The following SPACA7 variants were observed in gnomAD, a reference collection of about 807,000 sequenced individuals.
SPACA7 encodes the protein sperm acrosome associated 7, also known as sperm acrosome-associated protein 7.
SPACA7 carries 19 observed loss-of-function variants against 26.3 expected under a neutral mutation model. That is an observed-to-expected ratio of 0.72 (90% CI 0.50 to 1.06). The LOEUF is 1.06. Among genes scored for constraint, SPACA7 ranks in the 50% least tolerant of loss-of-function variants. The pLI is 0.00. For missense variants in SPACA7, 211 were observed against 229.9 expected (o/e 0.92, Z 0.53); for synonymous variants, 84 against 84.5 (o/e 0.99, Z 0.04).
chr13:112,392,919 AGAGGGGGCTG>A, intron 1 of SPACA7, 92 bp from the exon 2 acceptor site: 1 of 916,708 alleles, frequency 1.1e-6, no homozygotes, highest in Non-Finnish European at 1.7e-6. Context: ...TCCTTCCTCT[AGAGGGGGCTG>A]GTGGGCACCC....
intron 5 of SPACA7, among the ~76,000 whole-genome samples, chr13:112,418,100 T>C (rs1190862579): frequency 6.6e-6 from 1 of 152,192 alleles, no homozygotes. Context: ...ATTTACTTAT[T>C]TGTGTTTGCC....
intron 5 of SPACA7, among the ~76,000 whole-genome samples, chr13:112,414,477 C>A (rs1242533694): frequency 1.6e-5 from 2 of 122,798 alleles, no homozygotes; most frequent in African/African-American, 6.2e-5. Context: ...ATGGCGTGAT[C>A]TCAGCTCACT....
intron 2 of SPACA7, among the ~76,000 whole-genome samples, chr13:112,394,991 T>C (rs995913766): frequency 1.3e-5 from 2 of 152,340 alleles, no homozygotes; most frequent in Middle Eastern, 3.4e-3. Context: ...TTCAAATCCC[T>C]GTGGAGGTCA....
At chr13:112,390,318 G>A (rs964459621) in intron 1 of SPACA7, among the ~76,000 whole-genome samples, 1 of 152,168 alleles carries the variant, frequency 6.6e-6, no homozygotes, top group Non-Finnish European at 1.5e-5. Context: ...CGGCAAAAAG[G>A]AGAGGAGCAG....
intron 5 of SPACA7, among the ~76,000 whole-genome samples, chr13:112,424,977 G>A (rs1876388721): frequency 6.6e-6 from 1 of 152,232 alleles, no homozygotes; most frequent in Non-Finnish European, 1.5e-5. Context: ...TGAATGCATA[G>A]ACACTGAGGA....
At chr13:112,409,316 A>G (rs1217905792) in intron 5 of SPACA7, among the ~76,000 whole-genome samples, 1 of 152,230 alleles carries the variant, frequency 6.6e-6, no homozygotes, top group Non-Finnish European at 1.5e-5. Flanking sequence ...CAAGGACTTC[A>G]GGTCTAAAAC....
intron 1 of SPACA7, among the ~76,000 whole-genome samples, chr13:112,386,562 C>T (rs544602074): frequency 9.9e-5 from 15 of 152,082 alleles, no homozygotes; most frequent in Non-Finnish European, 1.8e-4. Flanking sequence ...GAGTCCCCGG[C>T]TACCAGAAGT....
chr13:112,409,358 G>T (rs1886197583), intron 5 of SPACA7, among the ~76,000 whole-genome samples: 1 of 152,178 alleles, frequency 6.6e-6, no homozygotes, highest in African/African-American at 2.4e-5. Flanking sequence ...AGCCAAAATT[G>T]ACAAATGGGA....
intron 1 of SPACA7, among the ~76,000 whole-genome samples, chr13:112,381,496 A>C (rs1483227343): frequency 4.8e-4 from 15 of 31,130 alleles, no homozygotes; most frequent in East Asian, 2.6e-3. Context: ...CTGTCCCCCA[A>C]AAAAAAAAAA....
intron 2 of SPACA7, among the ~76,000 whole-genome samples, chr13:112,393,847 G>A (rs142948903): frequency 0.016 from 2,408 of 152,208 alleles, 28 homozygotes; most frequent in Middle Eastern, 0.027. Flanking sequence ...TTAGCTGGGC[G>A]TGGTGATGTG....
rs370648687 is a variant in SPACA7, at chr13:112,401,101, C to A, written c.382C>A (p.Pro128Thr). 596 of 1,613,992 alleles carry A rather than the reference C, an allele frequency of 3.7e-4. No homozygotes were observed. The highest frequency in any genetic ancestry group is 4.3e-4 in the Non-Finnish European group (510 of 1,179,996). Residue 128 changes from proline to threonine, a missense_variant, in exon 5 of 7, where the codon CCT becomes ACT. Pro to Thr is a conservative substitution (Grantham distance 38). Transcript: ENST00000283550. ...TGCTAATGCAAATCTCCATGGCGAT[C>A]CTTCTGAGAATTATCGTGGGCCACA... ...ANANANLHGD[P>T]SENYRGPQVS... is the part of the protein sequence containing the mutation.
intron 5 of SPACA7, among the ~76,000 whole-genome samples, chr13:112,432,018 G>C (rs74624395): frequency 6.6e-6 from 1 of 152,338 alleles, no homozygotes; most frequent in African/African-American, 2.4e-5. Context: ...GGGAAATTCA[G>C]TGTCTGTAAA....
At chr13:112,385,105 C>T (rs1884440508) in intron 1 of SPACA7, among the ~76,000 whole-genome samples, 1 of 152,156 alleles carries the variant, frequency 6.6e-6, no homozygotes, top group African/African-American at 2.4e-5. Context: ...AATATTTTAG[C>T]CTACAGAAAA....
At chr13:112,432,545 T>G in intron 6 of SPACA7, 24 bp downstream of exon 6, 1 of 1,517,508 alleles carries the variant, frequency 6.6e-7, no homozygotes, top group Non-Finnish European at 9.2e-7. Flanking sequence ...AATAGATAAG[T>G]GTCTTCTCAT....
chr13:112,378,749 C>T lies in SPACA7; in HGVS notation c.94+2270C>T, dbSNP rs748276434. ...GGTAGCAGGTCAGTTTCTCCAGCTC[C>T]ATCAAATCAACCTCAGTTTTTAAAA... On this transcript the variant is annotated intron_variant, in intron 1 of 6. Transcript: ENST00000283550. 10 of 470,982 alleles carry T rather than the reference C, an allele frequency of 2.1e-5. No individual in the cohort carries two copies. The East Asian group carries it at 6.9e-4, about 33-fold the overall frequency. The allele number at this position is 470,982 out of a possible 1,614,324, so 29.2% of individuals were successfully genotyped here. A position where few individuals can be genotyped will look rare whatever the true frequency, so the allele number is the denominator to read the frequency against.
At chr13:112,383,098 GAAGAAAGAAAAGA>G (rs1358320673) in intron 1 of SPACA7, among the ~76,000 whole-genome samples, 11 of 37,296 alleles carry the variant, frequency 2.9e-4, no homozygotes, top group East Asian at 2.0e-3. Context: ...AAGAAAGAAA[GAAGAAAGAAAAGA>G]AAAGAAAAGA....
intron 1 of SPACA7, among the ~76,000 whole-genome samples, chr13:112,376,722 G>A (rs1254210264): frequency 2.0e-5 from 3 of 152,100 alleles, no homozygotes; most frequent in African/African-American, 7.2e-5. Context: ...TAACTGGGAA[G>A]AATATCATGA....
intron 5 of SPACA7, among the ~76,000 whole-genome samples, chr13:112,407,012 A>T (rs1422424532): frequency 2.6e-5 from 4 of 152,196 alleles, no homozygotes; most frequent in Non-Finnish European, 5.9e-5. Flanking sequence ...ATTATAACAA[A>T]CTGTCTCTCA....
intron 5 of SPACA7, among the ~76,000 whole-genome samples, chr13:112,424,087 G>A (rs748849375): frequency 2.6e-5 from 4 of 152,190 alleles, no homozygotes; most frequent in Non-Finnish European, 4.4e-5. Flanking sequence ...GGAGGCAGGG[G>A]TGAACAAAAG....
Sources: gnomAD v4.1 joint callset for allele counts (sites outside exome capture counted in the v4.1 genomes callset) on GRCh38, gnomAD v4.1.1 for gene constraint, MANE v1.5 for transcripts, NCBI Gene and HGNC (gene_info 2026-07-23, HGNC 2026-07-21) for gene names.